Variants in NLRP4 observed in about 807,000 individuals in gnomAD.
The protein encoded by NLRP4 is NLR family pyrin domain containing 4, also known as NACHT, LRR and PYD domains-containing protein 4.
NLRP4 carries 44 observed loss-of-function variants against 84.7 expected under a neutral mutation model. The ratio of observed to expected loss-of-function variants is 0.52; its 90% CI spans 0.41 to 0.67. NLRP4 has a LOEUF of 0.67. Among genes scored for constraint, NLRP4 ranks in the 30% least tolerant of loss-of-function variants. The probability of loss-of-function intolerance (pLI) is 0.00; values close to 1 mark genes in which losing one functional copy is unlikely to be tolerated. For missense variants in NLRP4, 1,260 were observed against 1,219.4 expected, an observed-to-expected ratio of 1.03 and a Z score of -0.50; for synonymous variants, 544 against 476.4, an observed-to-expected ratio of 1.14 and a Z score of -1.85.
At position 55,858,144 on chromosome 19, in the gene NLRP4, T is replaced by A. The variant is rs764351454; in HGVS notation, c.751T>A (p.Leu251Met). 1 of 1,614,096 alleles carries A rather than the reference T, an allele frequency of 6.2e-7. No individual in the cohort carries two copies. ...ACCCGATTCGGATCTGTGTGGTGACTTGATGGAGAAACGGCCGGTGCAGGT... is the reference window on the plus strand; with the variant it reads ...ACCCGATTCGGATCTGTGTGGTGACATGATGGAGAAACGGCCGGTGCAGGT... The part of the protein sequence containing the change: ...NEPDSDLCGD[L>M]MEKRPVQVLL... The change falls in exon 3 of 10, where the codon TTG (leucine) becomes ATG (methionine). Residue 251 changes from leucine (L) to methionine (M), a missense_variant. Around this residue, in one of 3 missense-constraint regions of NLRP4, gnomAD observed 712 missense variants for 669.2 expected, o/e 1.06. Coordinates refer to ENST00000301295, the MANE Select transcript of NLRP4 (RefSeq NM_134444.5). This position sits in a 1 kb window ranked among gnomAD's most constrained non-coding sequence, Gnocchi z 4.2.
intron 1 of NLRP4, among the ~76,000 whole-genome samples, chr19:55,849,303 C>T (rs1016135404): frequency 6.6e-6 from 1 of 152,190 alleles, no homozygotes; most frequent in African/African-American, 2.4e-5. Context: ...GTATCGATTG[C>T]CACTAGGGTA....
intron 7 of NLRP4, among the ~76,000 whole-genome samples, chr19:55,874,299 G>C (rs1985291216): frequency 6.6e-6 from 1 of 152,008 alleles, no homozygotes; most frequent in Non-Finnish European, 1.5e-5. Context: ...TTACTAATGA[G>C]AGATTTTACT....
chr19:55,865,373 TTATC>T (rs1377707389), intron 5 of NLRP4, among the ~76,000 whole-genome samples: 6 of 152,226 alleles, frequency 3.9e-5, no homozygotes, highest in Admixed American at 6.5e-5. Flanking sequence ...CACATTTTCT[TTATC>T]TAGCCCACTG....
chr19:55,866,030 T>C (rs1984941760), intron 5 of NLRP4, among the ~76,000 whole-genome samples: 1 of 152,172 alleles, frequency 6.6e-6, no homozygotes, highest in Admixed American at 6.5e-5. Context: ...TTGTTTTCTT[T>C]TCTTTTTTTT....
rs1568657865 is a variant in NLRP4 at position 55,849,837 on chromosome 19, CGGTGTAATTTCCGAGACT to C, written c.-65-2177_-65-2160del. On this transcript the variant is annotated intron_variant, in intron 1 of 9. Coordinates refer to ENST00000301295, the MANE Select transcript of NLRP4 (RefSeq NM_134444.5). The stretch of plus-strand genomic sequence containing the variant: ...AGCTGCGGTGTAATTTCCGAAGCTG[CGGTGTAATTTCCGAGACT>C]GCGGTGTAATTTCCGTGGCCGCGGT... 1.5e-3 allele frequency among the ~76,000 whole-genome samples: 224 copies of C among 149,826 alleles called. 2 individuals carry two copies. Among genetic ancestry groups the C allele is most frequent in the African/African-American group, 3.8e-3 (153 of 40,272 alleles).
intron 8 of NLRP4, among the ~76,000 whole-genome samples, chr19:55,878,312 C>T (rs749036308): frequency 1.3e-5 from 2 of 152,070 alleles, no homozygotes; most frequent in African/African-American, 2.4e-5. Flanking sequence ...CCCAGCTACT[C>T]AGGAGGCTGA....
rs1013358462 is a variant in NLRP4, at chr19:55,861,894, G to C, written c.2019-98G>C. The C allele has an allele frequency of 9.1e-6, 8 of 878,842 alleles. No individual in the cohort carries two copies. In the South Asian group the frequency reaches 1.2e-4, roughly 13 times the overall value. The allele number at this position is 878,842 out of a possible 1,614,324, so 54.4% of individuals were successfully genotyped here. ...GCTGTGTCATTGGGCTGTGAAATCA[G>C]AGAATGAGTTCATGATGGATGATGA... On this transcript the variant is annotated intron_variant, in intron 4 of 9. Transcript: ENST00000301295.
chr19:55,839,316 T>TGTGTGTGTGTGTGTGTGTGTGTGTGC (rs1418352680), intron 1 of NLRP4, among the ~76,000 whole-genome samples: 25 of 152,242 alleles, frequency 1.6e-4, no homozygotes, highest in African/African-American at 5.5e-4. Flanking sequence ...TGAGTGTGTG[T>TGTGTGTGTGTGTGTGTGTGTGTGTGC]GTGTGCTCTT....
Position 55,858,555 on chromosome 19 carries a change from C to A in NLRP4, c.1162C>A (p.Pro388Thr), listed in dbSNP as rs376214304. 46 of 1,614,002 alleles carry A rather than the reference C, an allele frequency of 2.9e-5. No homozygotes were observed. Among genetic ancestry groups the A allele is most frequent in the Non-Finnish European group, 3.5e-5 (41 of 1,180,014 alleles). ...GTTCACACCTGAGGGTGCCGAGGGCCCGACTCCGCAAACCCAGCACCAGCT... is the reference window on the plus strand; with the variant it reads ...GTTCACACCTGAGGGTGCCGAGGGCACGACTCCGCAAACCCAGCACCAGCT... ...NLFTPEGAEG[P>T]TPQTQHQLKA... Residue 388 changes from proline to threonine, a missense_variant, in exon 3 of 10, where the codon CCG becomes ACG. By Grantham distance (38) the Pro-to-Thr change is conservative. Coordinates refer to ENST00000301295, the MANE Select transcript of NLRP4 (RefSeq NM_134444.5). The surrounding 1 kb of genome is among the most constrained non-coding windows in gnomAD (Gnocchi z 4.2).
At position 55,867,868 on chromosome 19, in the gene NLRP4, A is replaced by G. The variant is rs926249163; in HGVS notation, c.2346A>G (p.Val782=). Residue 782 remains valine, a synonymous_variant, in exon 6 of 10, where the codon GTA becomes GTG. Transcript: ENST00000301295. ...EALCSPDTVL[V]YLMLAFCHLS... is the part of the protein sequence containing the mutation. Reference sequence around the variant, plus strand: ...TGTGCAGCCCAGACACGGTCCTGGTATACCTGATGTGAGTGGATGTTGGGG... The same window carrying G: ...TGTGCAGCCCAGACACGGTCCTGGTGTACCTGATGTGAGTGGATGTTGGGG... 2.5e-6 allele frequency: 4 copies of G among 1,613,846 alleles called. No individual in the cohort carries two copies. The highest frequency in any genetic ancestry group is 1.6e-4 in the Middle Eastern group (1 of 6,082).
intron 1 of NLRP4, among the ~76,000 whole-genome samples, chr19:55,843,664 C>A (rs942948697): frequency 6.6e-6 from 1 of 151,882 alleles, no homozygotes; most frequent in Non-Finnish European, 1.5e-5. Flanking sequence ...TGCACTCCAG[C>A]CTGGGCAACA....
At chr19:55,860,415 A>ATT (rs895891975) in intron 3 of NLRP4, among the ~76,000 whole-genome samples, 1 of 151,264 alleles carries the variant, frequency 6.6e-6, no homozygotes, top group African/African-American at 2.4e-5. Flanking sequence ...CTTCTACAAA[A>ATT]TTTTTTTTTT....
Position 55,859,258 on chromosome 19 carries a change from A to T in NLRP4, c.1856+9A>T. 6.4e-7 allele frequency: 1 copy of T among 1,574,730 alleles called. No individual in the cohort carries two copies. The highest frequency in any genetic ancestry group is 8.6e-7 in the Non-Finnish European group (1 of 1,156,934). On this transcript the variant is annotated intron_variant, in intron 3 of 9. Coordinates refer to ENST00000301295, the MANE Select transcript of NLRP4 (RefSeq NM_134444.5). ...GATGAACACAGCTCTACGTGAGTCCATCCTATGACTTTTTCTCTCTTCTCA... is the reference window on the plus strand; with the variant it reads ...GATGAACACAGCTCTACGTGAGTCCTTCCTATGACTTTTTCTCTCTTCTCA...
chr19:55,853,791 T>TTC (rs746686465), intron 2 of NLRP4, among the ~76,000 whole-genome samples: 13 of 124,514 alleles, frequency 1.0e-4, no homozygotes, highest in Admixed American at 4.3e-4. Context: ...CTGTCTCTCT[T>TTC]TCTCTCTCTC....
intron 1 of NLRP4, among the ~76,000 whole-genome samples, chr19:55,840,338 A>ATGTGTGTGTGTG (rs776659188): frequency 2.3e-4 from 31 of 137,046 alleles, no homozygotes; most frequent in African/African-American, 6.7e-4. Context: ...ACATATGTGT[A>ATGTGTGTGTGTG]TGTGTATGTG....
chr19:55,863,549 G>A (rs1474612040), intron 5 of NLRP4, among the ~76,000 whole-genome samples: 4 of 152,088 alleles, frequency 2.6e-5, no homozygotes, highest in African/African-American at 9.7e-5. Flanking sequence ...AGCTCTAGGG[G>A]ATGGTGGTAA....
intron 9 of NLRP4, among the ~76,000 whole-genome samples, chr19:55,880,968 A>G (rs1164391734): frequency 6.6e-6 from 1 of 152,218 alleles, no homozygotes; most frequent in East Asian, 1.9e-4. Flanking sequence ...TATTAACTTT[A>G]TCTTTGAAAA....
rs751342429 is a variant in NLRP4, at chr19:55,858,231, A to G, written c.838A>G (p.Lys280Glu). 2 of 1,614,046 alleles carry G rather than the reference A, an allele frequency of 1.2e-6. No individual in the cohort carries two copies. The highest frequency in any genetic ancestry group is 2.7e-5 in the African/African-American group (2 of 74,924). ...GGAGGCCTCCCTGCTCATCGCTATC[A>G]AACCCGTGTGCCCGAAGGAGCTCCG... ...LPEASLLIAI[K>E]PVCPKELRDQ... is the part of the protein sequence containing the mutation. The change falls in exon 3 of 10, where the codon AAA (lysine) becomes GAA (glutamate). Residue 280 changes from lysine to glutamate, a missense_variant. Transcript: ENST00000301295. The surrounding 1 kb of genome is among the most constrained non-coding windows in gnomAD (Gnocchi z 4.2).
At chr19:55,859,930 A>AAAAAAAAAAC (rs1984661635) in intron 3 of NLRP4, among the ~76,000 whole-genome samples, 1 of 121,872 alleles carries the variant, frequency 8.2e-6, no homozygotes, top group African/African-American at 2.8e-5. Flanking sequence ...CATCTCCAAA[A>AAAAAAAAAAC]AAAAAAAAAA....
Sources: allele counts gnomAD v4.1 joint callset (sites outside exome capture counted in the v4.1 genomes callset), GRCh38; gene constraint gnomAD v4.1.1; regional missense constraint gnomAD v4.1.1; non-coding constraint Gnocchi (gnomAD v3.1); transcripts MANE v1.5; gene names NCBI Gene and HGNC (gene_info 2026-07-23, HGNC 2026-07-21).